Variants in EPB41L3 observed in about 807,000 individuals in gnomAD.
EPB41L3 encodes erythrocyte membrane protein band 4.1 like 3, also known as band 4.1-like protein 3.
EPB41L3 carries 57 observed loss-of-function variants against 127.1 expected under a neutral mutation model. The observed-to-expected ratio is 0.45, with a 90% CI of 0.36 to 0.56. The LOEUF is 0.56. Among genes scored for constraint, EPB41L3 ranks in the 20% least tolerant of loss-of-function variants. The pLI is 0.00. For synonymous variants in EPB41L3, 572 were observed against 549.5 expected, an observed-to-expected ratio of 1.04 and a Z score of -0.57; for missense variants, 1,273 against 1,372.2, an observed-to-expected ratio of 0.93 and a Z score of 1.14.
intron 1 of EPB41L3, among the ~76,000 whole-genome samples, chr18:5,541,658 T>G (rs1213144840): frequency 6.6e-6 from 1 of 152,246 alleles, no homozygotes; most frequent in Non-Finnish European, 1.5e-5. Context: ...CCTGATCTTT[T>G]ATTTCAACAC....
chr18:5,401,130 T>C (rs2074431220), intron 16 of EPB41L3: 4 of 690,008 alleles, frequency 5.8e-6, no homozygotes, highest in African/African-American at 1.8e-5. Flanking sequence ...TTTCATTGTA[T>C]TATCTCTATC....
intron 3 of EPB41L3, among the ~76,000 whole-genome samples, chr18:5,593,203 C>T (rs368135249): frequency 4.6e-4 from 70 of 150,980 alleles, no homozygotes; most frequent in African/African-American, 1.6e-3. Flanking sequence ...CTCACCCCCA[C>T]CCCCCTGTCC....
intron 5 of EPB41L3, among the ~76,000 whole-genome samples, chr18:5,440,645 A>G (rs1009219074): frequency 6.6e-6 from 1 of 152,240 alleles, no homozygotes; most frequent in African/African-American, 2.4e-5. Context: ...CACTGATGAT[A>G]GTTCATTCTT....
chr18:5,449,029 A>G (rs923290263), intron 3 of EPB41L3, among the ~76,000 whole-genome samples: 6 of 152,216 alleles, frequency 3.9e-5, no homozygotes, highest in Admixed American at 2.6e-4. Context: ...TTGTCAAAAG[A>G]GAACTTAAAG....
chr18:5,441,686 G>A (rs930182216), intron 5 of EPB41L3, among the ~76,000 whole-genome samples: 19 of 151,970 alleles, frequency 1.3e-4, no homozygotes, highest in African/African-American at 4.1e-4. Flanking sequence ...GGATGGTCTC[G>A]ATCTCCTGAC....
At chr18:5,435,757 G>A (rs2079680401) in intron 6 of EPB41L3, among the ~76,000 whole-genome samples, 1 of 152,164 alleles carries the variant, frequency 6.6e-6, no homozygotes, top group African/African-American at 2.4e-5. Context: ...AAGGTGACAG[G>A]TCTTACTATA....
rs1193145652 is a variant in EPB41L3 at position 5,601,609 on chromosome 18, C to T, written c.-306+10731G>A. On this transcript the variant is annotated intron_variant, in intron 3 of 21. Coordinates refer to the EPB41L3 transcript ENST00000545076. Reference sequence around the variant, plus strand: ...CAGCAGAGTAACCTTTGAACAAGTACGAATCATTGACCTCACATAAATTTC... The same window carrying T: ...CAGCAGAGTAACCTTTGAACAAGTATGAATCATTGACCTCACATAAATTTC... Among the ~76,000 whole-genome samples, 8 of 152,202 alleles carry T rather than the reference C, an allele frequency of 5.3e-5. No homozygotes were observed. In the East Asian group the frequency reaches 5.8e-4, roughly 11 times the overall value.
intron 13 of EPB41L3, among the ~76,000 whole-genome samples, chr18:5,414,636 C>T (rs1032580485): frequency 6.6e-6 from 1 of 152,092 alleles, no homozygotes; most frequent in East Asian, 1.9e-4. Flanking sequence ...CCTATCACAA[C>T]AGCTCTTGTT....
intron 3 of EPB41L3, among the ~76,000 whole-genome samples, chr18:5,549,624 C>A (rs2093935381): frequency 6.6e-6 from 1 of 152,146 alleles, no homozygotes; most frequent in Non-Finnish European, 1.5e-5. Context: ...ATATCAGAAT[C>A]ATTCAAAGTA....
intron 3 of EPB41L3, among the ~76,000 whole-genome samples, chr18:5,582,845 C>T (rs1482537892): frequency 6.6e-6 from 1 of 152,184 alleles, no homozygotes; most frequent in East Asian, 1.9e-4. Flanking sequence ...CACATAGTGT[C>T]AGTGCAAACT....
intron 3 of EPB41L3, among the ~76,000 whole-genome samples, chr18:5,558,385 T>C (rs1473211311): frequency 6.6e-6 from 1 of 152,154 alleles, no homozygotes; most frequent in Non-Finnish European, 1.5e-5. Flanking sequence ...TGTATCCCAA[T>C]TCCCAGAGGA....
At chr18:5,410,206 G>T (rs2076023700) in intron 14 of EPB41L3, among the ~76,000 whole-genome samples, 1 of 147,966 alleles carries the variant, frequency 6.8e-6, no homozygotes, top group Non-Finnish European at 1.5e-5. Context: ...ATTTGAGATA[G>T]AATTTTTTTC....
chr18:5,629,723 C>A (rs937088040), upstream of EPB41L3, among the ~76,000 whole-genome samples: 5 of 152,130 alleles, frequency 3.3e-5, no homozygotes, highest in East Asian at 7.7e-4. Flanking sequence ...AGAGAGCCCG[C>A]GCTCACTCCT....
upstream of EPB41L3, chr18:5,630,359 G>C: frequency 1.9e-6 from 1 of 518,084 alleles, no homozygotes; most frequent in East Asian, 5.5e-5. Context: ...CGGCTGCCAA[G>C]AAGAGAAAGG....
At chr18:5,562,874 T>C (rs1421964944) in intron 3 of EPB41L3, among the ~76,000 whole-genome samples, 1 of 152,224 alleles carries the variant, frequency 6.6e-6, no homozygotes, top group Non-Finnish European at 1.5e-5. Context: ...CTGCGTGACT[T>C]AGTAATGTAC....
intron 1 of EPB41L3, among the ~76,000 whole-genome samples, chr18:5,501,477 T>C (rs567958377): frequency 3.3e-5 from 5 of 152,348 alleles, no homozygotes; most frequent in African/African-American, 9.6e-5. Flanking sequence ...CTCCCTCATA[T>C]AGAATATGCT....
intron 3 of EPB41L3, among the ~76,000 whole-genome samples, chr18:5,599,968 G>A (rs184279396): frequency 7.9e-5 from 12 of 152,108 alleles, no homozygotes; most frequent in Admixed American, 2.6e-4. Flanking sequence ...ATTGAATACC[G>A]TGATACAGTG....
intron 3 of EPB41L3, among the ~76,000 whole-genome samples, chr18:5,449,701 G>C (rs1473768151): frequency 6.6e-6 from 1 of 152,140 alleles, no homozygotes; most frequent in African/African-American, 2.4e-5. Context: ...ATACTGCTAG[G>C]TGAAAGAAGT....
chr18:5,469,684 C>T (rs965742474), intron 3 of EPB41L3, among the ~76,000 whole-genome samples: 2 of 152,126 alleles, frequency 1.3e-5, no homozygotes, highest in African/African-American at 4.8e-5. Flanking sequence ...AAGGAACGTC[C>T]GAAAGATCCT....
Sources: gnomAD v4.1 joint callset for allele counts (sites outside exome capture counted in the v4.1 genomes callset) on GRCh38, gnomAD v4.1.1 for gene constraint, MANE v1.5 for transcripts, NCBI Gene and HGNC (gene_info 2026-07-23, HGNC 2026-07-21) for gene names.